PZP: variants seen among roughly 807,000 people sequenced by gnomAD.
PZP encodes the protein PZP alpha-2-macroglobulin like, also known as pregnancy zone protein.
A neutral mutation model predicts 179.8 loss-of-function variants in PZP; 150 were observed. That is an observed-to-expected ratio of 0.83 (90% CI 0.73 to 0.96). The LOEUF (loss-of-function observed/expected upper bound fraction) is 0.96, where lower values mean the gene tolerates loss of function less well. PZP is among the 40% of genes least tolerant of loss of function. PZP has a pLI of 0.00. For synonymous variants in PZP, 624 were observed against 652.3 expected (o/e 0.96, Z 0.66); for missense variants, 1,689 against 1,764.0 (o/e 0.96, Z 0.76).
intron 1 of PZP, among the ~76,000 whole-genome samples, chr12:9,207,901 T>C (rs929157555): frequency 2.0e-5 from 3 of 152,234 alleles, no homozygotes; most frequent in African/African-American, 7.2e-5. Flanking sequence ...TTTCTGTATA[T>C]ATATATATGG....
intron 13 of PZP, among the ~76,000 whole-genome samples, chr12:9,183,048 A>G (rs1942872053): frequency 1.3e-5 from 2 of 152,202 alleles, no homozygotes; most frequent in Non-Finnish European, 2.9e-5. Flanking sequence ...ACATTGTTGA[A>G]ACTCAAAATA....
chr12:9,188,109 G>A (rs531947668), intron 13 of PZP, among the ~76,000 whole-genome samples: 17 of 152,272 alleles, frequency 1.1e-4, no homozygotes, highest in African/African-American at 2.4e-4. Context: ...GATGAACATT[G>A]ATGCGAAAAT....
chr12:9,185,996 T>TG (rs1943091835), intron 13 of PZP, among the ~76,000 whole-genome samples: 1 of 151,762 alleles, frequency 6.6e-6, no homozygotes, highest in Admixed American at 6.6e-5. Flanking sequence ...TTAGTAGAGA[T>TG]GGGGTTTCAC....
At chr12:9,138,159 A>T in the PZP span, among the ~76,000 whole-genome samples, 1 of 152,038 alleles carries the variant, frequency 6.6e-6, no homozygotes. Context: ...TGGGCCTTTC[A>T]TATATAGCCT....
At chr12:9,140,479 T>C in the PZP span, among the ~76,000 whole-genome samples, 3 of 152,242 alleles carry the variant, frequency 2.0e-5, no homozygotes, top group South Asian at 6.2e-4. Flanking sequence ...TGTTATTTTC[T>C]GCCAGTAACC....
At chr12:9,167,007 C>T (rs750300327) in intron 17 of PZP, 3 of 152,184 alleles carry the variant, frequency 2.0e-5, no homozygotes, top group Non-Finnish European at 4.4e-5. Context: ...CTAGCAATTT[C>T]ACCCTAACAG....
chr12:9,181,054 G>C lies in PZP; in HGVS notation c.1768C>G (p.Leu590Val), dbSNP rs1301407058. 1.9e-6 allele frequency: 3 copies of C among 1,614,196 alleles called. No individual in the cohort carries two copies. The highest frequency in any genetic ancestry group is 2.5e-6 in the Non-Finnish European group (3 of 1,180,010). The change falls in exon 15 of 36, where the codon CTC becomes GTC. Residue 590 changes from leucine (L) to valine (V), a missense_variant. By Grantham distance (32) the Leu-to-Val change is conservative (BLOSUM62 1). Transcript: ENST00000261336. ...HLQVAAAPQS[L>V]CALRAVDQSV... ...TGGTCCACAGCACGAAGGGCACAGA[G>C]GGACTGCGGAGCAGCTGCTACTTGC...
chr12:9,193,467 A>G (rs1438758160), intron 11 of PZP, among the ~76,000 whole-genome samples: 1 of 152,242 alleles, frequency 6.6e-6, no homozygotes, highest in Admixed American at 6.5e-5. Flanking sequence ...TTTAAAGTGT[A>G]GGGACACTAT....
chr12:9,180,540 G>A (rs1942688830), intron 15 of PZP, among the ~76,000 whole-genome samples: 1 of 152,160 alleles, frequency 6.6e-6, no homozygotes, highest in Non-Finnish European at 1.5e-5. Context: ...AGAAAAACAA[G>A]CAATGGGGAA....
chr12:9,192,441 C>A (rs1943511605), intron 12 of PZP, 71 bp downstream of exon 12: 12 of 1,431,092 alleles, frequency 8.4e-6, no homozygotes, highest in African/African-American at 1.4e-5. Flanking sequence ...TTTATTTTGA[C>A]ATTCCTGAGC....
chr12:9,142,928 G>T, the PZP span, among the ~76,000 whole-genome samples: 4 of 152,114 alleles, frequency 2.6e-5, no homozygotes, highest in Non-Finnish European at 4.4e-5. Flanking sequence ...GTCATTTTAG[G>T]GTCTTTAATA....
At chr12:9,163,815 G>C in intron 20 of PZP, 26 bp from the exon 21 acceptor site, 1 of 1,605,516 alleles carries the variant, frequency 6.2e-7, no homozygotes, top group Non-Finnish European at 8.5e-7. Context: ...TTGAAAACAT[G>C]AGTATCCACT....
intron 15 of PZP, among the ~76,000 whole-genome samples, chr12:9,176,117 A>G (rs1942346643): frequency 6.6e-6 from 1 of 152,260 alleles, no homozygotes; most frequent in South Asian, 2.1e-4. Flanking sequence ...ACAATGGAAT[A>G]CTATGCAGCC....
chr12:9,156,799 A>G (rs1592448751), intron 28 of PZP, among the ~76,000 whole-genome samples: 1 of 152,156 alleles, frequency 6.6e-6, no homozygotes. Context: ...CAGAAGGAAT[A>G]TATTTCTTCT....
At chr12:9,171,798 A>T (rs1942020879) in intron 15 of PZP, among the ~76,000 whole-genome samples, 1 of 152,214 alleles carries the variant, frequency 6.6e-6, no homozygotes, top group Non-Finnish European at 1.5e-5. Context: ...GAGAAGAAAG[A>T]ATGAAAAGAA....
intron 22 of PZP, among the ~76,000 whole-genome samples, chr12:9,161,694 C>T (rs1442571378): frequency 6.6e-6 from 1 of 152,126 alleles, no homozygotes; most frequent in African/African-American, 2.4e-5. Context: ...CATGAATATA[C>T]CTTAAATTAG....
Position 9,168,859 on chromosome 12 carries a change from G to A in PZP, c.2107+10C>T, listed in dbSNP as rs1032762439. The A allele has an allele frequency of 1.9e-6, 3 of 1,583,574 alleles. No individual in the cohort carries two copies. The highest frequency in any genetic ancestry group is 2.7e-5 in the African/African-American group (2 of 74,046). ...CATGAAATAAAATTAAAAGCAAATT[G>A]CTGTTTTACCTCCATAGTATCCTTG... On this transcript the variant is annotated intron_variant, in intron 17 of 35. Transcript: ENST00000261336.
chr12:9,192,131 C>A, intron 13 of PZP, 62 bp downstream of exon 13: 1 of 1,389,202 alleles, frequency 7.2e-7, no homozygotes, highest in South Asian at 1.2e-5. Flanking sequence ...TATGAACTGT[C>A]ACCGAGGGAA....
In PZP at chr12:9,182,043, T is replaced by C. The variant is rs1293547532; in HGVS notation, c.1621A>G (p.Ile541Val). The change falls in exon 14 of 36, where the codon ATT becomes GTT. Residue 541 changes from isoleucine (I) to valine (V), a missense_variant. Ile to Val is a conservative substitution (Grantham distance 29, BLOSUM62 3). Coordinates refer to ENST00000261336, the MANE Select transcript of PZP (RefSeq NM_002864.3). ...APIARMFIFA[I>V]LPDGEVVGDS... ...CCAACAACTTCTCCATCTGGTAAAA[T>C]GGCAAAGATGAACATTCGTGCAATG... 1.2e-6 allele frequency: 2 copies of C among 1,613,810 alleles called. No homozygotes were observed. Among genetic ancestry groups the C allele is most frequent in the Non-Finnish European group, 1.7e-6 (2 of 1,179,874 alleles).
Sources: allele counts gnomAD v4.1 joint callset (sites outside exome capture counted in the v4.1 genomes callset), GRCh38; gene constraint gnomAD v4.1.1; transcripts MANE v1.5; gene names NCBI Gene and HGNC (gene_info 2026-07-23, HGNC 2026-07-21).